SHANK2: variants seen among roughly 807,000 people sequenced by gnomAD.
SHANK2 encodes SH3 and multiple ankyrin repeat domains protein 2.
A neutral mutation model predicts 133.7 loss-of-function variants in SHANK2; 43 were observed. The observed-to-expected ratio is 0.32, with a 90% CI of 0.25 to 0.41. SHANK2 has a LOEUF of 0.41. Among genes scored for constraint, SHANK2 ranks in the 10% least tolerant of loss-of-function variants. The probability of loss-of-function intolerance (pLI) is 1.00; values close to 1 mark genes in which losing one functional copy is unlikely to be tolerated. For missense variants in SHANK2, 1,994 were observed against 2,235.8 expected, an observed-to-expected ratio of 0.89 and a Z score of 2.18; for synonymous variants, 1,017 against 952.8, an observed-to-expected ratio of 1.07 and a Z score of -1.24.
rs56252459 is a variant in SHANK2, at chr11:70,581,354, G to GTT, written c.2062-78425_2062-78424dup. On this transcript the variant is annotated intron_variant, in intron 17 of 25. Transcript: ENST00000601538. ...TGTTGGTGCTTCAGTTTTTGTTACT[G>GTT]TTTTTTTTTTACTTCTCACCAACAC... Among the ~76,000 whole-genome samples the GTT allele has an allele frequency of 8.7e-4, 131 of 149,986 alleles. 1 individual carries two copies. Among genetic ancestry groups the GTT allele is most frequent in the African/African-American group, 1.2e-3 (51 of 40,968 alleles).
chr11:71,109,358 A>G (rs1353738310), intron 6 of SHANK2, among the ~76,000 whole-genome samples: 2 of 152,116 alleles, frequency 1.3e-5, no homozygotes, highest in African/African-American at 4.8e-5. Flanking sequence ...AGGGGTTGCT[A>G]TTGATGCTGA....
chr11:70,565,789 C>T (rs2136150682), intron 17 of SHANK2, among the ~76,000 whole-genome samples: 1 of 152,230 alleles, frequency 6.6e-6, no homozygotes, highest in Non-Finnish European at 1.5e-5. Context: ...TTCTGTTTCT[C>T]CATCTTGGCC....
At chr11:71,204,994 T>TCCTC (rs531567924) in intron 2 of SHANK2, among the ~76,000 whole-genome samples, 1 of 151,866 alleles carries the variant, frequency 6.6e-6, no homozygotes, top group Non-Finnish European at 1.5e-5. Flanking sequence ...CTGGCCTCCC[T>TCCTC]CCTCCCTCCC....
intron 2 of SHANK2, among the ~76,000 whole-genome samples, chr11:71,197,646 A>AT (rs1401082380): frequency 6.6e-6 from 1 of 152,142 alleles, no homozygotes; most frequent in South Asian, 2.1e-4. Flanking sequence ...CCTGGCAGGC[A>AT]TTTTATTTAT....
rs530210993 is a variant in SHANK2 at position 71,147,565 on chromosome 11, G to A, written c.-12-227C>T. On this transcript the variant is annotated intron_variant, in intron 2 of 25. Coordinates refer to ENST00000601538, the MANE Select transcript of SHANK2 (RefSeq NM_012309.5). The stretch of plus-strand genomic sequence containing the variant: ...CCTCCCTGGAGCTTGAGCCAGAGGC[G>A]GCAGCCAGGACCCAGGAAAACCCTG... 1.7e-4 allele frequency among the ~76,000 whole-genome samples: 26 copies of A among 152,300 alleles called. 1 individual carries two copies. Among genetic ancestry groups the A allele is most frequent in the African/African-American group, 5.1e-4 (21 of 41,584 alleles).
At chr11:70,922,410 A>G (rs558307808) in intron 10 of SHANK2, among the ~76,000 whole-genome samples, 1 of 152,230 alleles carries the variant, frequency 6.6e-6, no homozygotes, top group Admixed American at 6.5e-5. Context: ...AGCTCTATAA[A>G]TCTCAAATGA....
chr11:70,907,305 T>TCC (rs10651610), intron 10 of SHANK2, among the ~76,000 whole-genome samples: 41,248 of 151,954 alleles, frequency 0.27, 7,134 homozygotes, highest in African/African-American at 0.49. Flanking sequence ...GTGGAGCAGG[T>TCC]CCAGCCCTCA....
chr11:71,090,670 T>G (rs1030468561), intron 8 of SHANK2, among the ~76,000 whole-genome samples: 1 of 151,778 alleles, frequency 6.6e-6, no homozygotes, highest in Non-Finnish European at 1.5e-5. Flanking sequence ...TCTGTGTACA[T>G]AGATACATTT....
intron 17 of SHANK2, among the ~76,000 whole-genome samples, chr11:70,543,127 T>C (rs1259840592): frequency 8.5e-5 from 13 of 152,284 alleles, no homozygotes; most frequent in Non-Finnish European, 1.5e-4. Flanking sequence ...AACTGCAGTT[T>C]GATGGCCGGG....
chr11:70,516,432 A>G (rs1239561239), intron 17 of SHANK2, among the ~76,000 whole-genome samples: 1 of 152,264 alleles, frequency 6.6e-6, no homozygotes, highest in Non-Finnish European at 1.5e-5. Flanking sequence ...ATGAATGTAG[A>G]GACAGACCTG....
At chr11:70,641,673 A>C (rs1333397482) in intron 17 of SHANK2, among the ~76,000 whole-genome samples, 1 of 152,170 alleles carries the variant, frequency 6.6e-6, no homozygotes, top group African/African-American at 2.4e-5. Context: ...AGCTGGGAGG[A>C]GCCTGAAGCT....
intron 23 of SHANK2, chr11:70,489,844 C>T (rs1245780433): frequency 3.6e-6 from 1 of 279,396 alleles, no homozygotes. Context: ...CCTGACCCAA[C>T]CACCCTTGGA....
At chr11:70,615,490 C>T (rs1018224506) in intron 17 of SHANK2, among the ~76,000 whole-genome samples, 1 of 152,128 alleles carries the variant, frequency 6.6e-6, no homozygotes, top group African/African-American at 2.4e-5. Flanking sequence ...CATATGGCCC[C>T]GGGGTATAAA....
At chr11:71,118,067 C>T (rs1364778105) in intron 4 of SHANK2, among the ~76,000 whole-genome samples, 1 of 152,068 alleles carries the variant, frequency 6.6e-6, no homozygotes, top group Admixed American at 6.6e-5. Flanking sequence ...ATACACCACC[C>T]ATTAGGCGCT....
At chr11:70,529,103 G>A (rs2059435962) in intron 17 of SHANK2, among the ~76,000 whole-genome samples, 1 of 152,122 alleles carries the variant, frequency 6.6e-6, no homozygotes, top group South Asian at 2.1e-4. Flanking sequence ...TTGGGACCAG[G>A]GAGTAAGAAA....
chr11:70,773,543 C>T (rs559302145), intron 14 of SHANK2, among the ~76,000 whole-genome samples: 1 of 152,336 alleles, frequency 6.6e-6, no homozygotes, highest in East Asian at 1.9e-4. Context: ...ACTACAGCCT[C>T]AGTGGTGACT....
At chr11:70,587,819 C>T (rs2060274326) in intron 17 of SHANK2, among the ~76,000 whole-genome samples, 1 of 151,846 alleles carries the variant, frequency 6.6e-6, no homozygotes, top group Non-Finnish European at 1.5e-5. Flanking sequence ...AACCTCCCAC[C>T]TTGGCCTCCC....
chr11:71,167,821 C>T (rs1338959293), intron 2 of SHANK2, among the ~76,000 whole-genome samples: 12 of 143,050 alleles, frequency 8.4e-5, no homozygotes, highest in African/African-American at 1.8e-4. Context: ...CCCTCCCGGA[C>T]GGGGCGGCCG....
chr11:71,177,513 A>G (rs2135533245), intron 2 of SHANK2, among the ~76,000 whole-genome samples: 1 of 152,334 alleles, frequency 6.6e-6, no homozygotes, highest in East Asian at 1.9e-4. Context: ...CCAACCATTG[A>G]AAGAACAAAA....
Sources: allele counts gnomAD v4.1 joint callset (sites outside exome capture counted in the v4.1 genomes callset), GRCh38; gene constraint gnomAD v4.1.1; transcripts MANE v1.5; gene names NCBI Gene and HGNC (gene_info 2026-07-23, HGNC 2026-07-21).